The following TBC1D19 variants were observed in gnomAD, a reference collection of about 807,000 sequenced individuals.
The protein encoded by TBC1D19 is TBC1 domain family member 19, also known as TBC1 domain family, member 19.
A neutral mutation model predicts 89.0 loss-of-function variants in TBC1D19; 60 were observed. The ratio of observed to expected loss-of-function variants is 0.67; its 90% CI spans 0.55 to 0.84. TBC1D19 has a LOEUF of 0.84. Among genes scored for constraint, TBC1D19 ranks in the 40% least tolerant of loss-of-function variants. The pLI, the probability that TBC1D19 is intolerant of heterozygous loss-of-function variation, is 0.00. For synonymous variants in TBC1D19, 189 were observed against 199.7 expected, an observed-to-expected ratio of 0.95 and a Z score of 0.45; for missense variants, 500 against 610.8, an observed-to-expected ratio of 0.82 and a Z score of 1.91.
At chr4:26,815,328 C>T in the TBC1D19 span, among the ~76,000 whole-genome samples, 558 of 152,352 alleles carry the variant, frequency 3.7e-3, 6 homozygotes, top group African/African-American at 0.012. Context: ...TCTAGCATTA[C>T]ATGGGTGTTC....
chr4:26,642,689 C>T (rs1743628859), intron 7 of TBC1D19, among the ~76,000 whole-genome samples: 1 of 152,166 alleles, frequency 6.6e-6, no homozygotes, highest in Admixed American at 6.5e-5. Context: ...AGACTCATCT[C>T]ACATGCAGAG....
intron 11 of TBC1D19, among the ~76,000 whole-genome samples, chr4:26,677,469 C>A (rs1446483791): frequency 6.6e-6 from 1 of 152,070 alleles, no homozygotes; most frequent in African/African-American, 2.4e-5. Flanking sequence ...CAGGTGCCCG[C>A]CACTACACCG....
At chr4:26,783,554 A>G in the TBC1D19 span, among the ~76,000 whole-genome samples, 1 of 148,834 alleles carries the variant, frequency 6.7e-6, no homozygotes, top group Non-Finnish European at 1.5e-5. Context: ...CCAAGATAAA[A>G]AGCACATTTT....
At chr4:26,694,767 A>C (rs1463753652) in intron 13 of TBC1D19, among the ~76,000 whole-genome samples, 1 of 152,226 alleles carries the variant, frequency 6.6e-6, no homozygotes, top group African/African-American at 2.4e-5. Context: ...TCCGCTGCTG[A>C]TACCCAGGCA....
chr4:26,755,947 A>G lies in TBC1D19; in HGVS notation c.*1000A>G, dbSNP rs1355772189. On this transcript the variant is annotated 3_prime_UTR_variant, in exon 21 of 21. Transcript: ENST00000264866. ...AGACCTACCATTTCTGTAATATGGA[A>G]TAATAGTATGTGGGGTAAAAAGTCC... Among the ~76,000 whole-genome samples, 1 of 152,234 alleles carries G rather than the reference A, an allele frequency of 6.6e-6. No individual in the cohort carries two copies. Among genetic ancestry groups the G allele is most frequent in the Non-Finnish European group, 1.5e-5 (1 of 68,026 alleles).
intron 3 of TBC1D19, among the ~76,000 whole-genome samples, chr4:26,619,785 T>C (rs541707624): frequency 3.3e-5 from 5 of 152,324 alleles, no homozygotes; most frequent in African/African-American, 1.2e-4. Flanking sequence ...CCAGCAATGT[T>C]TCTATGGACA....
intron 13 of TBC1D19, among the ~76,000 whole-genome samples, chr4:26,706,038 G>C (rs1254879491): frequency 6.6e-6 from 1 of 152,064 alleles, no homozygotes; most frequent in East Asian, 1.9e-4. Flanking sequence ...TCAACTCTCT[G>C]AGTATCTGGG....
At chr4:26,588,616 C>T (rs1739578915) in intron 1 of TBC1D19, among the ~76,000 whole-genome samples, 1 of 152,040 alleles carries the variant, frequency 6.6e-6, no homozygotes, top group African/African-American at 2.4e-5. Context: ...TTGCCATTTT[C>T]ACCCAATTAA....
chr4:26,582,049 G>T (rs1468648274), upstream of TBC1D19, among the ~76,000 whole-genome samples: 1 of 150,054 alleles, frequency 6.7e-6, no homozygotes, highest in Admixed American at 6.7e-5. Flanking sequence ...GCTTATAATT[G>T]TTCTCTTCTT....
At chr4:26,587,299 C>T (rs1487973040) in intron 1 of TBC1D19, among the ~76,000 whole-genome samples, 1 of 152,016 alleles carries the variant, frequency 6.6e-6, no homozygotes, top group African/African-American at 2.4e-5. Context: ...GGTTTGTGGC[C>T]AGGCGCGATG....
intron 2 of TBC1D19, among the ~76,000 whole-genome samples, chr4:26,613,907 A>G (rs1442306402): frequency 1.3e-5 from 2 of 152,206 alleles, no homozygotes; most frequent in African/African-American, 4.8e-5. Context: ...GAGATGTTAA[A>G]TGGTTGACCC....
chr4:26,779,823 TTAC>T, the TBC1D19 span, among the ~76,000 whole-genome samples: 1 of 152,166 alleles, frequency 6.6e-6, no homozygotes, highest in Non-Finnish European at 1.5e-5. Flanking sequence ...AGCTTATAAT[TTAC>T]ATATTTTTCC....
intron 13 of TBC1D19, among the ~76,000 whole-genome samples, chr4:26,709,897 T>C (rs1716027118): frequency 6.6e-6 from 1 of 151,980 alleles, no homozygotes; most frequent in African/African-American, 2.4e-5. Flanking sequence ...TCGCCTTTTA[T>C]AGATGAAGAA....
rs117009724 is a variant in TBC1D19 at position 26,595,282 on chromosome 4, G to A, written c.99+10990G>A. Among the ~76,000 whole-genome samples, 199 of 152,192 alleles carry A rather than the reference G, an allele frequency of 1.3e-3. 4 individuals carry two copies. In the East Asian group the frequency reaches 0.033, roughly 25 times the overall value. ...CTTTTGCCCATTTTTTAATTGGGTT[G>A]TTTTCTTATTGTTGAGTTTTAAGAA... On this transcript the variant is annotated intron_variant, in intron 1 of 20. Transcript: ENST00000264866.
Position 26,586,843 on chromosome 4 carries a change from C to G in TBC1D19, c.99+2551C>G, listed in dbSNP as rs75209575. Among the ~76,000 whole-genome samples the G allele has an allele frequency of 7.5e-3, 1,145 of 152,256 alleles. 5 individuals carry two copies. The highest frequency in any genetic ancestry group is 0.012 in the Non-Finnish European group (783 of 68,018). On this transcript the variant is annotated intron_variant, in intron 1 of 20. Transcript: ENST00000264866. ...CTAAACTTATATATTGGTTATAGTA[C>G]CTTTTCTGTAGATTACTTAAGATTT...
At chr4:26,818,145 CAAAA>C in the TBC1D19 span, among the ~76,000 whole-genome samples, 1 of 151,674 alleles carries the variant, frequency 6.6e-6, no homozygotes, top group Middle Eastern at 3.2e-3. Flanking sequence ...TGCCACAACA[CAAAA>C]AAACAAGTTC....
At chr4:26,795,792 T>C in the TBC1D19 span, among the ~76,000 whole-genome samples, 845 of 152,276 alleles carry the variant, frequency 5.5e-3, 5 homozygotes, top group African/African-American at 0.019. Flanking sequence ...ATGCCTAAGA[T>C]AGCTAAGAGA....
chr4:26,630,078 A>G (rs966527262), intron 4 of TBC1D19, among the ~76,000 whole-genome samples: 1 of 151,668 alleles, frequency 6.6e-6, no homozygotes, highest in Admixed American at 6.6e-5. Flanking sequence ...TGTTTAATAT[A>G]TGGTTTAAAA....
intron 14 of TBC1D19, 33 bp from the exon 15 acceptor site, chr4:26,720,048 C>A (rs769212271): frequency 1.3e-6 from 2 of 1,529,130 alleles, no homozygotes; most frequent in Middle Eastern, 2.0e-4. Context: ...TTTACTTAAT[C>A]ATATTGAAAT....
Sources: allele counts gnomAD v4.1 joint callset (sites outside exome capture counted in the v4.1 genomes callset), GRCh38; gene constraint gnomAD v4.1.1; transcripts MANE v1.5; gene names NCBI Gene and HGNC (gene_info 2026-07-23, HGNC 2026-07-21).